CARMIL2: variants seen among roughly 807,000 people sequenced by gnomAD.
CARMIL2 encodes capping protein regulator and myosin 1 linker 2, also known as capping protein, Arp2/3 and myosin-I linker protein 2.
In CARMIL2, 96 loss-of-function variants were observed where a neutral mutation model predicts 173.3. The ratio of observed to expected loss-of-function variants is 0.55; its 90% CI spans 0.47 to 0.66. CARMIL2 has a LOEUF of 0.66. Among genes scored for constraint, CARMIL2 ranks in the 30% least tolerant of loss-of-function variants. The pLI is 0.00. For missense variants in CARMIL2, 1,771 were observed against 1,906.7 expected, an observed-to-expected ratio of 0.93 and a Z score of 1.33; for synonymous variants, 830 against 817.1, an observed-to-expected ratio of 1.02 and a Z score of -0.27.
chr16:67,650,260 C>A, intron 22 of CARMIL2, 110 bp downstream of exon 22: 1 of 837,586 alleles, frequency 1.2e-6, no homozygotes, highest in Non-Finnish European at 1.9e-6. Flanking sequence ...GGTGCCTGAG[C>A]CCTGCTGTCC....
chr16:67,647,848 A>T lies in CARMIL2; in HGVS notation c.961A>T (p.Met321Leu). The T allele has an allele frequency of 6.2e-7, 1 of 1,608,512 alleles. No homozygotes were observed. The highest frequency in any genetic ancestry group is 8.5e-7 in the Non-Finnish European group (1 of 1,177,912). The part of the protein sequence containing the change: ...LAQTGLTPRG[M>L]RALGRALATN... ...GAGTGACCCCGACCCACCACCAGGA[A>T]TGAGGGCTCTGGGCCGGGCACTGGC... The change falls in exon 13 of 38, where the codon ATG (methionine) becomes TTG (leucine). Residue 321 changes from methionine to leucine, a missense_variant and splice_region_variant. By Grantham distance (15) the Met-to-Leu change is conservative. This residue lies in a region of CARMIL2 where 944 missense variants were observed against 975.6 expected (regional missense o/e 0.97). Coordinates refer to ENST00000334583, the MANE Select transcript of CARMIL2 (RefSeq NM_001013838.3).
chr16:67,646,968 C>T lies in CARMIL2; in HGVS notation c.606C>T (p.Gly202=). Residue 202 remains glycine (G), a synonymous_variant, in exon 8 of 38, where the codon GGC becomes GGT. Transcript: ENST00000334583. The surrounding 1 kb of genome is among the most constrained non-coding windows in gnomAD (Gnocchi z 4.6). ...HFSLGDFSHL[G]SRDLALSVAA... is the part of the protein sequence containing the mutation. Reference sequence around the variant, plus strand: ...GCCTGGGAGACTTCAGCCACCTCGGCAGTCGGTGTGTGGCCTGCCAGGATG... The same window carrying T: ...GCCTGGGAGACTTCAGCCACCTCGGTAGTCGGTGTGTGGCCTGCCAGGATG... 6.2e-7 allele frequency: 1 copy of T among 1,613,232 alleles called. No individual in the cohort carries two copies.
In CARMIL2 at chr16:67,653,698, C is replaced by T. The variant is rs1057242094; in HGVS notation, c.3120+444C>T. ...GGGGGCAGCGGGCACTGGCGGAGGG[C>T]GGGGAGGAGCCGGCTTGAGGCCCCC... On this transcript the variant is annotated intron_variant, in intron 29 of 37. Transcript: ENST00000334583. The surrounding 1 kb of genome is among the most constrained non-coding windows in gnomAD (Gnocchi z 7.4). Among the ~76,000 whole-genome samples the T allele has an allele frequency of 1.4e-5, 2 of 145,496 alleles. No homozygotes were observed. The highest frequency in any genetic ancestry group is 5.0e-5 in the African/African-American group (2 of 39,962).
chr16:67,656,554 C>T lies in CARMIL2; in HGVS notation c.3945C>T (p.Ser1315=). Residue 1315 remains serine (S), a synonymous_variant, in exon 35 of 38, where the codon TCC becomes TCT. Transcript: ENST00000334583. ...AACAGGATGGTCCAGGCCCTCCCTC[C>T]CCTGGTCAAAGCCCAAGTCCCTGCA... ...WGQQDGPGPP[S]PGQSPSPCRT... 6.2e-7 allele frequency: 1 copy of T among 1,613,368 alleles called. No individual in the cohort carries two copies.
rs886245472 is a variant in CARMIL2 at position 67,645,669 on chromosome 16, G to A, written c.132+38G>A. 4 of 1,612,728 alleles carry A rather than the reference G, an allele frequency of 2.5e-6. No individual in the cohort carries two copies. The Admixed American group carries it at 6.7e-5, about 27-fold the overall frequency. ...GGACAGAGCCGGGGAGGCGGCTGTG[G>A]CCCCACAGAAAGAGCCTCTTGCTCT... On this transcript the variant is annotated intron_variant, in intron 2 of 37. Transcript: ENST00000334583.
intron 3 of CARMIL2, 23 bp downstream of exon 3, chr16:67,645,800 AC>A: frequency 6.2e-7 from 1 of 1,605,256 alleles, no homozygotes; most frequent in Non-Finnish European, 8.5e-7. Flanking sequence ...GCCTGGCCAC[AC>A]CCCCGCCCGC....
In CARMIL2 at chr16:67,652,606, G is replaced by A. The variant is rs1264501178; in HGVS notation, c.2884+68G>A. On this transcript the variant is annotated intron_variant, in intron 28 of 37. Transcript: ENST00000334583. This position sits in a 1 kb window ranked among gnomAD's most constrained non-coding sequence, Gnocchi z 4.7. Reference sequence around the variant, plus strand: ...GAAGCTCCATTAGACTTGGGGACCCGGGGACCTGGATGAACTCATTCAGCC... The same window carrying A: ...GAAGCTCCATTAGACTTGGGGACCCAGGGACCTGGATGAACTCATTCAGCC... The A allele has an allele frequency of 3.4e-6, 5 of 1,467,960 alleles. No individual in the cohort carries two copies. The highest frequency in any genetic ancestry group is 1.4e-5 in the African/African-American group (1 of 71,998). 90.9% of individuals were successfully genotyped at this position (1,467,960 alleles called of 1,614,324 possible).
chr16:67,655,878 CAA>C (rs1479147141), intron 32 of CARMIL2, among the ~76,000 whole-genome samples, 151 bp from the exon 33 acceptor site: 1 of 152,322 alleles, frequency 6.6e-6, no homozygotes. Context: ...TTCAAGTGTG[CAA>C]AGAGTTCTAA....
rs890171864 is a variant in CARMIL2, at chr16:67,652,892, G to A, written c.2885-127G>A. The A allele has an allele frequency of 5.2e-4, 124 of 239,836 alleles. No individual in the cohort carries two copies. The highest frequency in any genetic ancestry group is 7.8e-4 in the Non-Finnish European group (105 of 134,584). 14.9% of individuals were successfully genotyped at this position (239,836 alleles called of 1,614,324 possible). ...CGGGGGAGGGGCGGAGGGGCAGAGGGGCGGGGGGACGGGCGGCGTAGCCGG... is the reference window on the plus strand; with the variant it reads ...CGGGGGAGGGGCGGAGGGGCAGAGGAGCGGGGGGACGGGCGGCGTAGCCGG... On this transcript the variant is annotated intron_variant, in intron 28 of 37. Transcript: ENST00000334583. This position sits in a 1 kb window ranked among gnomAD's most constrained non-coding sequence, Gnocchi z 4.7.
intron 29 of CARMIL2, 61 bp from the exon 30 acceptor site, chr16:67,654,088 G>GGT: frequency 3.6e-6 from 4 of 1,110,152 alleles, no homozygotes; most frequent in Non-Finnish European, 5.0e-6. Context: ...GCCGGGGGGG[G>GGT]GGGGGGGTAG....
In CARMIL2 at chr16:67,653,204, C is replaced by G. The variant is rs2052763967; in HGVS notation, c.3070C>G (p.Pro1024Ala). 8.8e-7 allele frequency: 1 copy of G among 1,131,248 alleles called. No homozygotes were observed. Among genetic ancestry groups the G allele is most frequent in the African/African-American group, 1.6e-5 (1 of 60,932 alleles). 70.1% of individuals were successfully genotyped at this position (1,131,248 alleles called of 1,614,324 possible). ...CCTGCGCCATCCGACCCGGGCCCGGCCGCGGCCGCGCCGCCAGCACCACCA... is the reference window on the plus strand; with the variant it reads ...CCTGCGCCATCCGACCCGGGCCCGGGCGCGGCCGCGCCGCCAGCACCACCA... ...QPLRHPTRAR[P>A]RPRRQHHHRP... The change falls in exon 29 of 38, where the codon CCG (proline) becomes GCG (alanine). Residue 1024 changes from proline to alanine, a missense_variant. Physicochemically the swap from Pro to Ala is conservative, Grantham distance 27 (BLOSUM62 -1). This residue lies in a region of CARMIL2 where 817 missense variants were observed against 903.5 expected (regional missense o/e 0.90). Transcript: ENST00000334583. The surrounding 1 kb of genome is among the most constrained non-coding windows in gnomAD (Gnocchi z 7.4).
chr16:67,649,447 C>G lies in CARMIL2; in HGVS notation c.1747C>G (p.Pro583Ala), dbSNP rs1342237374. The change falls in exon 20 of 38, where the codon CCT becomes GCT. Residue 583 changes from proline to alanine, a missense_variant and splice_region_variant. This residue lies in a region of CARMIL2 where 944 missense variants were observed against 975.6 expected (regional missense o/e 0.97). Coordinates refer to ENST00000334583, the MANE Select transcript of CARMIL2 (RefSeq NM_001013838.3). The surrounding 1 kb of genome is among the most constrained non-coding windows in gnomAD (Gnocchi z 6.7). ...IVQLMQDDDCPLQSLSVAESR... is the reference protein window; with the variant it reads ...IVQLMQDDDCALQSLSVAESR... ...ATCAATGGCTTTCTCTTAACCCCAG[C>G]CTCTTCAGTCTCTGTCGGTGGCTGA... 1 of 1,612,140 alleles carries G rather than the reference C, an allele frequency of 6.2e-7. No individual in the cohort carries two copies.
At chr16:67,647,414 G>A (rs879019962) in intron 10 of CARMIL2, 27 bp downstream of exon 10, 2 of 1,564,852 alleles carry the variant, frequency 1.3e-6, no homozygotes, top group South Asian at 2.3e-5. Flanking sequence ...AGGGCTTGGA[G>A]AGGAGAGTCT....
chr16:67,647,435 G>T, intron 10 of CARMIL2, 48 bp downstream of exon 10: 1 of 1,558,592 alleles, frequency 6.4e-7, no homozygotes, highest in South Asian at 1.2e-5. Context: ...GGAGGCTTGG[G>T]ACTGGGGGCT....
intron 29 of CARMIL2, 62 bp from the exon 30 acceptor site, chr16:67,654,080 CGGGGGGG>C: frequency 1.8e-6 from 1 of 560,054 alleles, no homozygotes; most frequent in South Asian, 2.1e-5. Flanking sequence ...GGCTGCCGGC[CGGGGGGG>C]GGGGGGGGTA....
Position 67,651,648 on chromosome 16 carries a change from C to T in CARMIL2, c.2428-37C>T, listed in dbSNP as rs913078565. On this transcript the variant is annotated intron_variant, in intron 24 of 37. Coordinates refer to ENST00000334583, the MANE Select transcript of CARMIL2 (RefSeq NM_001013838.3). The surrounding 1 kb of genome is among the most constrained non-coding windows in gnomAD (Gnocchi z 4.2). Reference sequence around the variant, plus strand: ...CTCAAGCCAGCAGCCTGGTGTCTGGCCACATCCTCACCATGCTCTGACTGA... The same window carrying T: ...CTCAAGCCAGCAGCCTGGTGTCTGGTCACATCCTCACCATGCTCTGACTGA... The T allele has an allele frequency of 1.3e-6, 2 of 1,597,184 alleles. No homozygotes were observed. Among genetic ancestry groups the T allele is most frequent in the Non-Finnish European group, 1.7e-6 (2 of 1,172,538 alleles).
intron 29 of CARMIL2, 65 bp from the exon 30 acceptor site, chr16:67,654,080 CGGGG>C (rs548114769): frequency 9.1e-3 from 5,056 of 556,326 alleles, no homozygotes; most frequent in South Asian, 0.023. Context: ...GGCTGCCGGC[CGGGG>C]GGGGGGGGGG....
chr16:67,645,671 C>T (rs2052580159), intron 2 of CARMIL2, 40 bp downstream of exon 2: 3 of 1,612,822 alleles, frequency 1.9e-6, no homozygotes, highest in Admixed American at 1.7e-5. Flanking sequence ...CGGCTGTGGC[C>T]CCACAGAAAG....
Position 67,653,205 on chromosome 16 carries a change from C to G in CARMIL2, c.3071C>G (p.Pro1024Arg). The stretch of plus-strand genomic sequence containing the variant: ...CTGCGCCATCCGACCCGGGCCCGGC[C>G]GCGGCCGCGCCGCCAGCACCACCAC... Reference protein sequence around the residue: ...QPLRHPTRARPRPRRQHHHRP... With the variant: ...QPLRHPTRARRRPRRQHHHRP... The change falls in exon 29 of 38, where the codon CCG becomes CGG. Residue 1024 changes from proline (P) to arginine (R), a missense_variant. Coordinates refer to ENST00000334583, the MANE Select transcript of CARMIL2 (RefSeq NM_001013838.3). This position sits in a 1 kb window ranked among gnomAD's most constrained non-coding sequence, Gnocchi z 7.4. 8.8e-7 allele frequency: 1 copy of G among 1,133,056 alleles called. No homozygotes were observed. Among genetic ancestry groups the G allele is most frequent in the Non-Finnish European group, 1.1e-6 (1 of 924,388 alleles). 70.2% of individuals were successfully genotyped at this position (1,133,056 alleles called of 1,614,324 possible).
Sources: gnomAD v4.1 joint callset for allele counts (sites outside exome capture counted in the v4.1 genomes callset) on GRCh38, gnomAD v4.1.1 for gene constraint, gnomAD v4.1.1 regional missense constraint, Gnocchi (gnomAD v3.1) non-coding constraint, MANE v1.5 for transcripts, NCBI Gene and HGNC (gene_info 2026-07-23, HGNC 2026-07-21) for gene names.